The following ANGEL2 variants were observed in gnomAD, a reference collection of about 807,000 sequenced individuals.
ANGEL2 encodes angel homolog 2, also known as RNA 2',3'-cyclic phosphatase ANGEL2.
In ANGEL2, 41 loss-of-function variants were observed where a neutral mutation model predicts 66.0. That is an observed-to-expected ratio of 0.62 (90% CI 0.48 to 0.81). ANGEL2 has a LOEUF of 0.81. ANGEL2 is among the 30% of genes least tolerant of loss of function. The pLI is 0.00. For synonymous variants in ANGEL2, 208 were observed against 226.5 expected (o/e 0.92, Z 0.73); for missense variants, 561 against 641.6 (o/e 0.87, Z 1.36).
chr1:212,999,543 A>G (rs2076121810), intron 7 of ANGEL2, among the ~76,000 whole-genome samples: 3 of 152,218 alleles, frequency 2.0e-5, no homozygotes, highest in Admixed American at 2.0e-4. Context: ...AGGTATACAA[A>G]ATAAAGATTG....
At chr1:213,006,628 T>C (rs1261323216) in intron 4 of ANGEL2, 1 of 152,828 alleles carries the variant, frequency 6.5e-6, no homozygotes, top group Non-Finnish European at 1.5e-5. Flanking sequence ...ATTATAATGA[T>C]GAACGAGACA....
At chr1:213,011,152 G>C in intron 2 of ANGEL2, 2 of 1,272,204 alleles carry the variant, frequency 1.6e-6, no homozygotes, top group Non-Finnish European at 2.1e-6. Flanking sequence ...AGAGTGGATA[G>C]TCTCTGGCCT....
At chr1:213,010,458 G>A (rs964184704) in intron 2 of ANGEL2, among the ~76,000 whole-genome samples, 2 of 151,966 alleles carry the variant, frequency 1.3e-5, no homozygotes, top group African/African-American at 4.8e-5. Context: ...TGCAGTCCCA[G>A]CTACTCGGGA....
Position 213,005,273 on chromosome 1 carries a change from A to G in ANGEL2, c.894T>C (p.Tyr298=), listed in dbSNP as rs1436604663. 1.2e-6 allele frequency: 2 copies of G among 1,614,260 alleles called. No individual in the cohort carries two copies. The highest frequency in any genetic ancestry group is 1.7e-5 in the Admixed American group (1 of 60,028). The change falls in exon 5 of 9, where the codon TAT becomes TAC. Residue 298 remains tyrosine, a synonymous_variant. Coordinates refer to ENST00000366962, the MANE Select transcript of ANGEL2 (RefSeq NM_144567.5). ...LVLLLQPKIP[Y]AACPAICVAN... ...CTACGCAGATTGCAGGGCAGGCAGC[A>G]TATGGAATTTTGGGCTGTAAGAGTA... is the stretch of plus-strand genomic sequence containing the variant.
chr1:213,014,007 T>C (rs923023263), intron 1 of ANGEL2, among the ~76,000 whole-genome samples: 5 of 152,334 alleles, frequency 3.3e-5, no homozygotes, highest in African/African-American at 9.6e-5. Flanking sequence ...TATTTCTCCA[T>C]TCTTTTTTAA....
rs1399918389 is a variant in ANGEL2, at chr1:213,013,321, T to C, written c.157A>G (p.Ser53Gly). 1.9e-6 allele frequency: 3 copies of C among 1,613,996 alleles called. No homozygotes were observed. The highest frequency in any genetic ancestry group is 1.7e-5 in the Admixed American group (1 of 60,004). The stretch of plus-strand genomic sequence containing the variant: ...TAATGTCCAGGCCACCTCATACAAC[T>C]AGAAATATGTCTGTTCCAGCAACAC... The part of the protein sequence containing the change: ...QRCCWNRHIS[S>G]CMRWPGHYSR... The change falls in exon 2 of 9, where the codon AGT becomes GGT. Residue 53 changes from serine to glycine, a missense_variant. By Grantham distance (56) the Ser-to-Gly change is moderately conservative (BLOSUM62 0). Coordinates refer to ENST00000366962, the MANE Select transcript of ANGEL2 (RefSeq NM_144567.5).
chr1:212,998,523 T>C (rs1225196730), intron 7 of ANGEL2, among the ~76,000 whole-genome samples: 2 of 146,148 alleles, frequency 1.4e-5, no homozygotes. Flanking sequence ...AAAGTATCTT[T>C]TTTTTTTTTT....
intron 1 of ANGEL2, chr1:213,015,222 C>A: frequency 9.4e-7 from 1 of 1,062,682 alleles, no homozygotes; most frequent in Non-Finnish European, 1.1e-6. Context: ...CCGCCGAGAC[C>A]TACTGCGGAG....
chr1:213,015,291 G>C, intron 1 of ANGEL2: 1 of 1,273,664 alleles, frequency 7.9e-7, no homozygotes, highest in Non-Finnish European at 1.0e-6. Context: ...GTGTGGAGCA[G>C]GCCAGCGCTG....
At chr1:212,996,640 A>AAAAAAAAATAT (rs56102625) in intron 8 of ANGEL2, among the ~76,000 whole-genome samples, 2 of 66,484 alleles carry the variant, frequency 3.0e-5, no homozygotes, top group African/African-American at 6.9e-5. Flanking sequence ...AAAAAAAAAA[A>AAAAAAAAATAT]ATATATATAT....
chr1:213,009,443 G>A (rs1426785615), intron 2 of ANGEL2, among the ~76,000 whole-genome samples: 1 of 152,148 alleles, frequency 6.6e-6, no homozygotes, highest in African/African-American at 2.4e-5. Flanking sequence ...ATTTGGAAAT[G>A]GACTTCTAAG....
At chr1:213,008,488 A>AT in intron 2 of ANGEL2, 22 bp from the exon 3 acceptor site, 6 of 1,601,190 alleles carry the variant, frequency 3.7e-6, no homozygotes, top group Non-Finnish European at 5.1e-6. Context: ...TATTGCACAA[A>AT]TATAAGGAAT....
At chr1:213,013,852 T>C (rs907266592) in intron 1 of ANGEL2, among the ~76,000 whole-genome samples, 1 of 152,228 alleles carries the variant, frequency 6.6e-6, no homozygotes, top group African/African-American at 2.4e-5. Flanking sequence ...CTCCTCCAAC[T>C]TGGAGTAATA....
intron 7 of ANGEL2, among the ~76,000 whole-genome samples, chr1:212,998,792 C>T (rs2076097145): frequency 6.6e-6 from 1 of 152,034 alleles, no homozygotes; most frequent in Non-Finnish European, 1.5e-5. Context: ...TCCTAAAGTG[C>T]TGGGATTACA....
chr1:213,007,112 A>G lies in ANGEL2; in HGVS notation c.712+17T>C, dbSNP rs560253145. Reference sequence around the variant, plus strand: ...TGTCTCAAAAAAGAAAAAAAAAAAAAAAAAGTTGCATTGTACCCAGTGATT... The same window carrying G: ...TGTCTCAAAAAAGAAAAAAAAAAAAGAAAAGTTGCATTGTACCCAGTGATT... On this transcript the variant is annotated intron_variant, in intron 4 of 8. Coordinates refer to ENST00000366962, the MANE Select transcript of ANGEL2 (RefSeq NM_144567.5). The G allele has an allele frequency of 2.1e-5, 33 of 1,608,790 alleles. No homozygotes were observed. In the African/African-American group the frequency reaches 4.2e-4, roughly 20 times the overall value.
At chr1:213,013,593 A>G (rs1231982333) in intron 1 of ANGEL2, among the ~76,000 whole-genome samples, 175 bp from the exon 2 acceptor site, 1 of 152,144 alleles carries the variant, frequency 6.6e-6, no homozygotes, top group African/African-American at 2.4e-5. Context: ...TCAATATCTC[A>G]ATACTCTCGT....
Position 213,015,690 on chromosome 1 carries a change from T to C in ANGEL2, c.-19A>G, listed in dbSNP as rs781462091. On this transcript the variant is annotated 5_prime_UTR_variant, in exon 1 of 9. Coordinates refer to ENST00000366962, the MANE Select transcript of ANGEL2 (RefSeq NM_144567.5). ...CTTCCATCTTCGCCCTCCGCGTGCG[T>C]CCAGTTCCCAGGCCCCGGGTTCCAC... The C allele has an allele frequency of 6.2e-7, 1 of 1,613,976 alleles. No homozygotes were observed. The highest frequency in any genetic ancestry group is 1.7e-5 in the Admixed American group (1 of 60,006).
Position 213,005,182 on chromosome 1 carries a change from G to A in ANGEL2, c.985C>T (p.Leu329=), listed in dbSNP as rs1241962466. Residue 329 remains leucine (L), a synonymous_variant, in exon 5 of 9, where the codon CTG becomes TTG. Coordinates refer to ENST00000366962, the MANE Select transcript of ANGEL2 (RefSeq NM_144567.5). ...DIKLTQLAML[L]AEISSVAHQK... is the part of the protein sequence containing the mutation. ...TGGGCAACACTGGAAATCTCTGCCA[G>A]TAGCATTGCCAATTGCGTCAGCTTA... The A allele has an allele frequency of 8.1e-6, 13 of 1,614,134 alleles. No homozygotes were observed. The highest frequency in any genetic ancestry group is 4.0e-5 in the African/African-American group (3 of 74,958).
chr1:213,007,188 A>C lies in ANGEL2; in HGVS notation c.653T>G (p.Leu218Trp), dbSNP rs2076358423. The C allele has an allele frequency of 6.3e-7, 1 of 1,577,002 alleles. No individual in the cohort carries two copies. Among genetic ancestry groups the C allele is most frequent in the Non-Finnish European group, 8.6e-7 (1 of 1,165,780 alleles). Residue 218 changes from leucine to tryptophan, a missense_variant, in exon 4 of 9, where the codon TTG (leucine) becomes TGG (tryptophan). Transcript: ENST00000366962. The stretch of plus-strand genomic sequence containing the variant: ...ATAATGATCTTCTTGAACTTCTTGC[A>C]AACAAAGTACCTTGGAAGAAAAAAA... ...IKHFDADVLC[L>W]QEVQEDHYGA...
Sources: gnomAD v4.1 joint callset for allele counts (sites outside exome capture counted in the v4.1 genomes callset) on GRCh38, gnomAD v4.1.1 for gene constraint, MANE v1.5 for transcripts, NCBI Gene and HGNC (gene_info 2026-07-23, HGNC 2026-07-21) for gene names.